SRBD1: variants seen among roughly 807,000 people sequenced by gnomAD.
SRBD1 encodes S1 RNA-binding domain-containing protein 1.
Under a neutral mutation model 115.3 loss-of-function variants are expected in SRBD1, and 88 were observed. That is an observed-to-expected ratio of 0.76 (90% CI 0.64 to 0.91). SRBD1 has a LOEUF of 0.91. Ranked by LOEUF, SRBD1 falls within the 40% of genes least tolerant of loss-of-function variation. SRBD1 has a pLI of 0.00. For synonymous variants in SRBD1, 509 were observed against 407.7 expected, an observed-to-expected ratio of 1.25 and a Z score of -2.99; for missense variants, 1,385 against 1,177.4, an observed-to-expected ratio of 1.18 and a Z score of -2.58.
intron 16 of SRBD1, among the ~76,000 whole-genome samples, chr2:45,433,617 G>T (rs1668402931): frequency 6.6e-6 from 1 of 152,114 alleles, no homozygotes; most frequent in Admixed American, 6.5e-5. Flanking sequence ...AAACATTTGA[G>T]AAAACAGTGT....
rs549241913 is a variant in SRBD1, at chr2:45,572,577, A to T, written c.1305+630T>A. 1.3e-4 allele frequency among the ~76,000 whole-genome samples: 20 copies of T among 152,264 alleles called. No homozygotes were observed. The South Asian group carries it at 2.5e-3, about 19-fold the overall frequency. ...TATTACAGGAAGTGCTTCAGACTGG[A>T]ATGAAAGGGCACTAGATAGTAACTT... On this transcript the variant is annotated intron_variant, in intron 9 of 20. Transcript: ENST00000263736.
At chr2:45,598,970 A>G (rs1006605595) in intron 4 of SRBD1, among the ~76,000 whole-genome samples, 6 of 152,212 alleles carry the variant, frequency 3.9e-5, no homozygotes, top group Admixed American at 1.3e-4. Context: ...AGTAAGACAT[A>G]TAATTCTGGC....
chr2:45,481,470 C>T (rs888258920), intron 15 of SRBD1, among the ~76,000 whole-genome samples: 1 of 151,824 alleles, frequency 6.6e-6, no homozygotes, highest in East Asian at 1.9e-4. Context: ...ACTTAGGGAA[C>T]GTGTACATTT....
intron 16 of SRBD1, among the ~76,000 whole-genome samples, chr2:45,474,330 T>A (rs1033938983): frequency 1.3e-5 from 2 of 152,226 alleles, no homozygotes; most frequent in African/African-American, 4.8e-5. Context: ...AGTCCCTAAC[T>A]GTCTGTCTGT....
At chr2:45,452,057 A>G (rs1669015392) in intron 16 of SRBD1, among the ~76,000 whole-genome samples, 1 of 152,002 alleles carries the variant, frequency 6.6e-6, no homozygotes, top group Non-Finnish European at 1.5e-5. Flanking sequence ...TAAATATAAA[A>G]ACAAAAAGGT....
intron 7 of SRBD1, among the ~76,000 whole-genome samples, chr2:45,577,673 GAACT>G (rs1673222628): frequency 6.6e-6 from 1 of 151,816 alleles, no homozygotes; most frequent in South Asian, 2.1e-4. Flanking sequence ...AAAAAAAACT[GAACT>G]ATCTGGTTTC....
At chr2:45,571,516 C>CCAAAAAAAA (rs1673009681) in intron 9 of SRBD1, among the ~76,000 whole-genome samples, 1 of 42,468 alleles carries the variant, frequency 2.4e-5, no homozygotes, top group Non-Finnish European at 4.0e-5. Context: ...CCAGACTTTA[C>CCAAAAAAAA]CAAAAAAAAA....
At chr2:45,432,742 AGTCT>A (rs2103679931) in intron 16 of SRBD1, among the ~76,000 whole-genome samples, 1 of 152,220 alleles carries the variant, frequency 6.6e-6, no homozygotes, top group East Asian at 1.9e-4. Flanking sequence ...TTACTTAAAC[AGTCT>A]CTCTTTCGAA....
chr2:45,528,902 C>T (rs1304537891), intron 14 of SRBD1, among the ~76,000 whole-genome samples: 1 of 151,874 alleles, frequency 6.6e-6, no homozygotes, highest in Non-Finnish European at 1.5e-5. Flanking sequence ...TTAGAAGAGG[C>T]TGCTGGGTTA....
chr2:45,456,561 T>TA (rs1669159778), intron 16 of SRBD1, among the ~76,000 whole-genome samples: 1 of 151,942 alleles, frequency 6.6e-6, no homozygotes, highest in Non-Finnish European at 1.5e-5. Context: ...TGCTAATACA[T>TA]AATGGGCATT....
chr2:45,457,974 G>C (rs1362238355), intron 16 of SRBD1, among the ~76,000 whole-genome samples: 1 of 151,814 alleles, frequency 6.6e-6, no homozygotes, highest in Non-Finnish European at 1.5e-5. Flanking sequence ...CCCTTTCCTA[G>C]TTACAGCTCA....
At chr2:45,582,041 T>A (rs1327417667) in intron 5 of SRBD1, among the ~76,000 whole-genome samples, 1 of 152,226 alleles carries the variant, frequency 6.6e-6, no homozygotes, top group Non-Finnish European at 1.5e-5. Context: ...TAATTAACAC[T>A]AATATATTAC....
chr2:45,608,988 G>C (rs1271141399), intron 1 of SRBD1, among the ~76,000 whole-genome samples: 2 of 151,826 alleles, frequency 1.3e-5, no homozygotes, highest in Non-Finnish European at 2.9e-5. Flanking sequence ...TTCTATTTTT[G>C]ATAGAGACGG....
At chr2:45,573,716 G>A (rs1422717093) in intron 8 of SRBD1, among the ~76,000 whole-genome samples, 1 of 152,088 alleles carries the variant, frequency 6.6e-6, no homozygotes, top group African/African-American at 2.4e-5. Flanking sequence ...TAAAAAAAGA[G>A]AAACAAAAGG....
At chr2:45,600,199 A>G (rs1674049122) in intron 3 of SRBD1, among the ~76,000 whole-genome samples, 2 of 152,190 alleles carry the variant, frequency 1.3e-5, no homozygotes, top group Non-Finnish European at 2.9e-5. Flanking sequence ...ACATATACAT[A>G]CACATGAATG....
chr2:45,417,334 T>C (rs141176042), intron 18 of SRBD1, among the ~76,000 whole-genome samples: 2 of 152,338 alleles, frequency 1.3e-5, no homozygotes, highest in East Asian at 3.9e-4. Context: ...TGTCATAATA[T>C]CATTTGTTAG....
At chr2:45,563,901 A>G (rs1485554148) in intron 9 of SRBD1, among the ~76,000 whole-genome samples, 1 of 152,202 alleles carries the variant, frequency 6.6e-6, no homozygotes, top group Non-Finnish European at 1.5e-5. Flanking sequence ...ATTCTTCACA[A>G]ACTTTCCAAA....
intron 14 of SRBD1, among the ~76,000 whole-genome samples, chr2:45,514,802 C>A (rs1190676099): frequency 1.3e-5 from 2 of 152,110 alleles, no homozygotes; most frequent in African/African-American, 4.8e-5. Flanking sequence ...GAAAGTGTTC[C>A]AATTTGCACT....
At chr2:45,456,125 A>T (rs1202761710) in intron 16 of SRBD1, among the ~76,000 whole-genome samples, 1 of 151,938 alleles carries the variant, frequency 6.6e-6, no homozygotes, top group Non-Finnish European at 1.5e-5. Context: ...GAATATAAAA[A>T]GCAGTGGGGG....
Sources: gnomAD v4.1 joint callset for allele counts (sites outside exome capture counted in the v4.1 genomes callset) on GRCh38, gnomAD v4.1.1 for gene constraint, MANE v1.5 for transcripts, NCBI Gene and HGNC (gene_info 2026-07-23, HGNC 2026-07-21) for gene names.